Variants in ZFYVE28 observed in about 807,000 individuals in gnomAD.
The protein encoded by ZFYVE28 is lateral signaling target protein 2 homolog.
ZFYVE28 carries 40 observed loss-of-function variants against 82.1 expected under a neutral mutation model. That is an observed-to-expected ratio of 0.49 (90% CI 0.38 to 0.63). The LOEUF is 0.63. Among genes scored for constraint, ZFYVE28 ranks in the 30% least tolerant of loss-of-function variants. The pLI, the probability that ZFYVE28 is intolerant of heterozygous loss-of-function variation, is 0.00. For missense variants in ZFYVE28, 1,321 were observed against 1,242.1 expected, an observed-to-expected ratio of 1.06 and a Z score of -0.96; for synonymous variants, 612 against 546.1, an observed-to-expected ratio of 1.12 and a Z score of -1.68.
chr4:2,339,706 C>G lies in ZFYVE28; in HGVS notation c.319-51G>C. ...GGGGCCCGGGTGAGGGCCAGGCTCT[C>G]AGGGGTCGCCGACCCGGGGAACCTG... On this transcript the variant is annotated intron_variant, in intron 3 of 12. Transcript: ENST00000290974. This position sits in a 1 kb window ranked among gnomAD's most constrained non-coding sequence, Gnocchi z 5.0. 1 of 1,516,628 alleles carries G rather than the reference C, an allele frequency of 6.6e-7. No homozygotes were observed. The highest frequency in any genetic ancestry group is 8.8e-7 in the Non-Finnish European group (1 of 1,130,758). The allele number at this position is 1,516,628 out of a possible 1,614,324, so 93.9% of individuals were successfully genotyped here. A position where few individuals can be genotyped will look rare whatever the true frequency, so the allele number is the denominator to read the frequency against.
chr4:2,304,928 G>C lies in ZFYVE28; in HGVS notation c.1412C>G (p.Ala471Gly). The change falls in exon 8 of 13, where the codon GCC becomes GGC. Residue 471 changes from alanine (A) to glycine (G), a missense_variant. Around this residue, in one of 2 missense-constraint regions of ZFYVE28, gnomAD observed 978 missense variants for 833.7 expected, o/e 1.17. Coordinates refer to ENST00000290974, the MANE Select transcript of ZFYVE28 (RefSeq NM_020972.3). The part of the protein sequence containing the change: ...NNLEAEGTDG[A>G]SLAGTSSCSC... ...GCAGGAGCTGGTGCCCGCGAGGCTG[G>C]CCCCATCTGTGCCCTCGGCCTCGAG... is the stretch of plus-strand genomic sequence containing the variant. The C allele has an allele frequency of 6.2e-7, 1 of 1,612,686 alleles. No homozygotes were observed.
intron 8 of ZFYVE28, among the ~76,000 whole-genome samples, chr4:2,297,120 C>G (rs1042308187): frequency 7.2e-5 from 11 of 152,240 alleles, no homozygotes; most frequent in Admixed American, 1.3e-4. Context: ...GAAGTGCCAG[C>G]CCAGCAGCAG....
chr4:2,395,414 A>G (rs1055579753), intron 1 of ZFYVE28, among the ~76,000 whole-genome samples: 1 of 152,186 alleles, frequency 6.6e-6, no homozygotes, highest in African/African-American at 2.4e-5. Flanking sequence ...GCTCCATCCA[A>G]TTAGGCCCCT....
intron 4 of ZFYVE28, among the ~76,000 whole-genome samples, chr4:2,337,862 C>A (rs932900836): frequency 3.7e-5 from 4 of 107,266 alleles, no homozygotes; most frequent in African/African-American, 1.8e-4. Context: ...CAAAGCAAGA[C>A]CTTTTCTCTT....
intron 7 of ZFYVE28, among the ~76,000 whole-genome samples, chr4:2,311,389 G>C (rs1717449441): frequency 6.6e-6 from 1 of 152,102 alleles, no homozygotes; most frequent in African/African-American, 2.4e-5. Flanking sequence ...AGCTGGGTGT[G>C]GTGGCAGGCA....
In ZFYVE28 at chr4:2,409,060, C is replaced by T. The variant is rs768361850; in HGVS notation, c.39+9225G>A. 2.0e-5 allele frequency among the ~76,000 whole-genome samples: 3 copies of T among 152,130 alleles called. No homozygotes were observed. Among genetic ancestry groups the T allele is most frequent in the South Asian group, 2.1e-4 (1 of 4,824 alleles). ...CGCAGTGGGGAGGTCTGCCTTTACG[C>T]GGTCTGTGACACAGCCCTGAACGCC... On this transcript the variant is annotated intron_variant, in intron 1 of 12. Coordinates refer to ENST00000290974, the MANE Select transcript of ZFYVE28 (RefSeq NM_020972.3). The surrounding 1 kb of genome is among the most constrained non-coding windows in gnomAD (Gnocchi z 4.4).
In ZFYVE28 at chr4:2,300,432, G is replaced by A. The variant is rs1478190703; in HGVS notation, c.2051+3857C>T. Among the ~76,000 whole-genome samples, 3 of 152,168 alleles carry A rather than the reference G, an allele frequency of 2.0e-5. No individual in the cohort carries two copies. The highest frequency in any genetic ancestry group is 4.8e-5 in the African/African-American group (2 of 41,424). On this transcript the variant is annotated intron_variant, in intron 8 of 12. Transcript: ENST00000290974. This position sits in a 1 kb window ranked among gnomAD's most constrained non-coding sequence, Gnocchi z 4.6. ...CCAGTAAAATGAAAAGAGCTGAAGG[G>A]CGTAGGTTCCAGAACATTCACATCT... is the stretch of plus-strand genomic sequence containing the variant.
intron 8 of ZFYVE28, chr4:2,287,415 G>C (rs894535647): frequency 7.9e-5 from 12 of 152,412 alleles, no homozygotes; most frequent in Non-Finnish European, 1.6e-4. Context: ...GATGCAGCAA[G>C]GGCCTCGGGC....
Position 2,372,208 on chromosome 4 carries a change from G to C in ZFYVE28, c.40-18135C>G, listed in dbSNP as rs1274962606. 1.3e-5 allele frequency among the ~76,000 whole-genome samples: 2 copies of C among 152,168 alleles called. No individual in the cohort carries two copies. Among genetic ancestry groups the C allele is most frequent in the Non-Finnish European group, 1.5e-5 (1 of 68,030 alleles). On this transcript the variant is annotated intron_variant, in intron 1 of 12. Transcript: ENST00000290974. This position sits in a 1 kb window ranked among gnomAD's most constrained non-coding sequence, Gnocchi z 5.2. ...CCAACAGGACCCAAAGGACCTTCCA[G>C]AGAACCAGAGGTTTCCATCCTAGAA...
intron 2 of ZFYVE28, chr4:2,343,427 G>A (rs1003596357): frequency 1.3e-5 from 2 of 152,204 alleles, no homozygotes; most frequent in East Asian, 3.8e-4. Flanking sequence ...AAGAAATCAT[G>A]CACTAAACTC....
In ZFYVE28 at chr4:2,304,888, C is replaced by T. The variant is rs138443865; in HGVS notation, c.1452G>A (p.Ser484=). Residue 484 remains serine (S), a synonymous_variant, in exon 8 of 13, where the codon TCG becomes TCA. Transcript: ENST00000290974. ...CCTCCCAGCCGTCCAGGTGCAGCCG[C>T]GAGTCCAGGCAGCTGCAGGAGCTGG... The part of the protein sequence containing the change: ...AGTSSCSCLD[S]RLHLDGWEVG... 842 of 1,612,684 alleles carry T rather than the reference C, an allele frequency of 5.2e-4. 4 individuals are homozygous for T. The highest frequency in any genetic ancestry group is 2.5e-3 in the South Asian group (229 of 91,074).
At chr4:2,298,234 GGGTGACAC>G (rs1380950640) in intron 8 of ZFYVE28, among the ~76,000 whole-genome samples, 1 of 151,632 alleles carries the variant, frequency 6.6e-6, no homozygotes, top group South Asian at 2.1e-4. Flanking sequence ...GGTGACAGTG[GGGTGACAC>G]GGTGACACAG....
intron 1 of ZFYVE28, among the ~76,000 whole-genome samples, chr4:2,407,972 T>C (rs1022546355): frequency 2.4e-4 from 37 of 152,306 alleles, no homozygotes; most frequent in Admixed American, 1.7e-3. Flanking sequence ...CCCTTTCTCC[T>C]CTGTCTTGTA....
In ZFYVE28 at chr4:2,362,493, T is replaced by C. The variant is rs1046659626; in HGVS notation, c.40-8420A>G. ...GGCTAGAATTGTTCACTGCTGCCAA[T>C]CACAGGCCCAGCCCCTCCTGCACAT... On this transcript the variant is annotated intron_variant, in intron 1 of 12. Transcript: ENST00000290974. This position sits in a 1 kb window ranked among gnomAD's most constrained non-coding sequence, Gnocchi z 5.1. Among the ~76,000 whole-genome samples the C allele has an allele frequency of 1.3e-5, 2 of 152,010 alleles. 1 individual carries two copies. Among genetic ancestry groups the C allele is most frequent in the South Asian group, 4.1e-4 (2 of 4,824 alleles).
At chr4:2,295,250 C>G (rs1714360315) in intron 8 of ZFYVE28, among the ~76,000 whole-genome samples, 1 of 152,192 alleles carries the variant, frequency 6.6e-6, no homozygotes, top group Non-Finnish European at 1.5e-5. Context: ...CAACCTCTGT[C>G]TCCCAGGTTC....
chr4:2,397,944 C>A (rs1452656537), intron 1 of ZFYVE28, among the ~76,000 whole-genome samples: 1 of 143,378 alleles, frequency 7.0e-6, no homozygotes, highest in East Asian at 2.1e-4. Context: ...AGGAGGAGAG[C>A]TGAGGCGGGT....
chr4:2,320,649 T>G lies in ZFYVE28; in HGVS notation c.702-378A>C, dbSNP rs1264064763. On this transcript the variant is annotated intron_variant, in intron 6 of 12. Transcript: ENST00000290974. The surrounding 1 kb of genome is among the most constrained non-coding windows in gnomAD (Gnocchi z 5.1). The stretch of plus-strand genomic sequence containing the variant: ...AACTGGATTTGTGGTTAAATTTATC[T>G]GCAGAGCTTTATGAGAACTGGACCT... Among the ~76,000 whole-genome samples the G allele has an allele frequency of 1.3e-5, 2 of 152,216 alleles. No individual in the cohort carries two copies. The highest frequency in any genetic ancestry group is 2.9e-5 in the Non-Finnish European group (2 of 68,034).
chr4:2,402,398 A>G (rs3135075), intron 1 of ZFYVE28, among the ~76,000 whole-genome samples: 134,233 of 152,142 alleles, frequency 0.88, 59,562 homozygotes, highest in African/African-American at 0.97. Flanking sequence ...CTGGAAGGCC[A>G]TGTCCTGCAG....
chr4:2,380,799 T>A (rs1728654729), intron 1 of ZFYVE28, among the ~76,000 whole-genome samples: 1 of 152,356 alleles, frequency 6.6e-6, no homozygotes, highest in East Asian at 1.9e-4. Flanking sequence ...ATGTAAGAAG[T>A]GCCTTTTGCC....
Sources: gnomAD v4.1 joint callset for allele counts (sites outside exome capture counted in the v4.1 genomes callset) on GRCh38, gnomAD v4.1.1 for gene constraint, gnomAD v4.1.1 regional missense constraint, Gnocchi (gnomAD v3.1) non-coding constraint, MANE v1.5 for transcripts, NCBI Gene and HGNC (gene_info 2026-07-23, HGNC 2026-07-21) for gene names.